SNX29: variants seen among roughly 807,000 people sequenced by gnomAD.
SNX29 encodes sorting nexin 29.
A neutral mutation model predicts 102.1 loss-of-function variants in SNX29; 78 were observed. The observed-to-expected ratio is 0.76, with a 90% CI of 0.64 to 0.92. The LOEUF (loss-of-function observed/expected upper bound fraction) is 0.92. SNX29 is among the 40% of genes least tolerant of loss of function. The pLI is 0.00. For missense variants in SNX29, 1,280 were observed against 1,061.7 expected, an observed-to-expected ratio of 1.21 and a Z score of -2.86; for synonymous variants, 580 against 414.5, an observed-to-expected ratio of 1.40 and a Z score of -4.85.
chr16:12,328,886 C>A (rs577684573), intron 15 of SNX29, among the ~76,000 whole-genome samples: 11 of 152,014 alleles, frequency 7.2e-5, no homozygotes, highest in Non-Finnish European at 1.5e-4. Context: ...GGAGCTGAAG[C>A]GATGTGATGT....
chr16:12,241,091 ATT>A (rs1466446548), intron 14 of SNX29, among the ~76,000 whole-genome samples: 1 of 152,134 alleles, frequency 6.6e-6, no homozygotes, highest in East Asian at 1.9e-4. Flanking sequence ...AAAATTAGCT[ATT>A]TGTGTTTGCT....
chr16:12,534,300 G>C lies in SNX29; in HGVS notation c.2318+9459G>C, dbSNP rs770044197. Reference sequence around the variant, plus strand: ...TGCCGTCTTTCTCCGTGTGGGAGACGTGCTCCTAATGAGGGCCTCTGTGCC... The same window carrying C: ...TGCCGTCTTTCTCCGTGTGGGAGACCTGCTCCTAATGAGGGCCTCTGTGCC... On this transcript the variant is annotated intron_variant, in intron 20 of 20. Coordinates refer to ENST00000566228, the MANE Select transcript of SNX29 (RefSeq NM_032167.5). Among the ~76,000 whole-genome samples, 4 of 152,358 alleles carry C rather than the reference G, an allele frequency of 2.6e-5. No homozygotes were observed. In the East Asian group the frequency reaches 5.8e-4, roughly 22 times the overall value.
chr16:12,088,329 G>A (rs994489455), intron 11 of SNX29: 22 of 357,462 alleles, frequency 6.2e-5, no homozygotes, highest in Non-Finnish European at 7.7e-5. Context: ...GAGGTGCCAC[G>A]TTGCCAGGTG....
At chr16:12,356,409 A>G (rs975854074) in intron 16 of SNX29, 130 bp downstream of exon 16, 1 of 714,148 alleles carries the variant, frequency 1.4e-6, no homozygotes, top group African/African-American at 1.8e-5. Flanking sequence ...CACCTCTGCC[A>G]CATTTGCTTT....
At chr16:12,418,730 G>C (rs1401108276) in intron 18 of SNX29, among the ~76,000 whole-genome samples, 1 of 152,084 alleles carries the variant, frequency 6.6e-6, no homozygotes, top group Non-Finnish European at 1.5e-5. Context: ...GGTTAGGCTG[G>C]TCTCGACCTC....
chr16:12,526,367 C>G (rs1038046040), intron 20 of SNX29, among the ~76,000 whole-genome samples: 3 of 152,162 alleles, frequency 2.0e-5, no homozygotes, highest in Non-Finnish European at 4.4e-5. Context: ...CCTGTCTTCC[C>G]TGCCTAGGCC....
intron 10 of SNX29, among the ~76,000 whole-genome samples, chr16:12,077,328 G>T (rs16958959): frequency 6.7e-6 from 1 of 150,330 alleles, no homozygotes; most frequent in African/African-American, 2.5e-5. Flanking sequence ...AAGAAAATCA[G>T]TCTTAACCCT....
intron 8 of SNX29, among the ~76,000 whole-genome samples, chr16:12,054,061 G>A (rs1352903969): frequency 2.0e-5 from 3 of 151,014 alleles, no homozygotes; most frequent in African/African-American, 7.3e-5. Flanking sequence ...TCCGCCTCCC[G>A]GGTTCATGCC....
chr16:12,516,487 A>G (rs947610267), intron 19 of SNX29, among the ~76,000 whole-genome samples: 1 of 151,108 alleles, frequency 6.6e-6, no homozygotes, highest in Admixed American at 6.6e-5. Flanking sequence ...CTCAGAAAAA[A>G]AAAAAAAAAA....
chr16:12,468,375 A>G (rs912497556), intron 18 of SNX29, among the ~76,000 whole-genome samples: 3 of 151,500 alleles, frequency 2.0e-5, no homozygotes, highest in African/African-American at 4.8e-5. Context: ...GGGTTTCACC[A>G]TGTTGTCCAG....
At position 12,466,667 on chromosome 16, in the gene SNX29, G is replaced by A. The variant is rs528091005; in HGVS notation, c.2038-11052G>A. ...ATCTACCTGGAGCCCCAGCCCAACA[G>A]CCATGAACCAAAGCATGGATAGTTT... is the stretch of plus-strand genomic sequence containing the variant. On this transcript the variant is annotated intron_variant, in intron 18 of 20. Coordinates refer to ENST00000566228, the MANE Select transcript of SNX29 (RefSeq NM_032167.5). Among the ~76,000 whole-genome samples, 15 of 152,290 alleles carry A rather than the reference G, an allele frequency of 9.8e-5. No individual in the cohort carries two copies. In the East Asian group the frequency reaches 1.7e-3, roughly 18 times the overall value.
intron 20 of SNX29, among the ~76,000 whole-genome samples, chr16:12,547,260 T>C (rs1360705119): frequency 6.6e-6 from 1 of 152,200 alleles, no homozygotes; most frequent in Non-Finnish European, 1.5e-5. Flanking sequence ...GCAAAGGTCC[T>C]GCAGCCTTGA....
chr16:12,078,712 A>G, intron 10 of SNX29, 121 bp from the exon 11 acceptor site: 1 of 800,550 alleles, frequency 1.2e-6, no homozygotes, highest in Non-Finnish European at 2.1e-6. Context: ...ATTTCCAATG[A>G]CTGCCTCTAT....
Position 12,573,631 on chromosome 16 carries a change from G to C in SNX29, c.*5002G>C. 1 of 221,370 alleles carries C rather than the reference G, an allele frequency of 4.5e-6. No individual in the cohort carries two copies. Among genetic ancestry groups the C allele is most frequent in the East Asian group, 6.6e-5 (1 of 15,162 alleles). 13.7% of individuals were successfully genotyped at this position (221,370 alleles called of 1,614,324 possible). A position where few individuals can be genotyped will look rare whatever the true frequency, so the allele number is the denominator to read the frequency against. The stretch of plus-strand genomic sequence containing the variant: ...AGCTCTGCCGCTGGTCTCCATGAAC[G>C]GCAAGGGGAACCACCACTCATTCAC... On this transcript the variant is annotated 3_prime_UTR_variant, in exon 21 of 21. Transcript: ENST00000566228.
At chr16:11,981,268 C>A (rs2055407312) in intron 1 of SNX29, among the ~76,000 whole-genome samples, 1 of 151,826 alleles carries the variant, frequency 6.6e-6, no homozygotes, top group Non-Finnish European at 1.5e-5. Flanking sequence ...CCGCACCTGG[C>A]CAATTTTTGT....
intron 15 of SNX29, among the ~76,000 whole-genome samples, chr16:12,307,552 G>A (rs918093413): frequency 1.3e-5 from 2 of 152,166 alleles, no homozygotes; most frequent in Non-Finnish European, 2.9e-5. Context: ...GGACAGAGTT[G>A]GGAAGCTTAA....
In SNX29 at chr16:12,027,382, G is replaced by T. The variant is rs1265478379; in HGVS notation, c.185G>T (p.Gly62Val). ...CAGCATGGCTTGAAGAGGAGTCGAG[G>T]ATTGGCACTCACAGCGGCAGCGATC... Reference protein sequence around the residue: ...VLQHGLKRSRGLALTAAAIKQ... With the variant: ...VLQHGLKRSRVLALTAAAIKQ... Residue 62 changes from glycine to valine, a missense_variant, in exon 4 of 21, where the codon GGA (glycine) becomes GTA (valine). Transcript: ENST00000566228. The T allele has an allele frequency of 1.9e-6, 3 of 1,614,060 alleles. No homozygotes were observed. The highest frequency in any genetic ancestry group is 1.1e-5 in the South Asian group (1 of 91,078).
chr16:12,250,322 C>T (rs900317802), intron 14 of SNX29, among the ~76,000 whole-genome samples: 5 of 152,210 alleles, frequency 3.3e-5, no homozygotes, highest in Admixed American at 1.3e-4. Context: ...AATTTTCAGT[C>T]TGTAGAAATG....
chr16:12,164,820 T>G (rs1231987888), intron 13 of SNX29, among the ~76,000 whole-genome samples: 3 of 151,850 alleles, frequency 2.0e-5, no homozygotes, highest in Admixed American at 2.0e-4. Flanking sequence ...CCTGAGTAGC[T>G]GGGATTACAG....
Sources: allele counts gnomAD v4.1 joint callset (sites outside exome capture counted in the v4.1 genomes callset), GRCh38; gene constraint gnomAD v4.1.1; transcripts MANE v1.5; gene names NCBI Gene and HGNC (gene_info 2026-07-23, HGNC 2026-07-21).